The following PRKN variants were observed in gnomAD, a reference collection of about 807,000 sequenced individuals.
The protein encoded by PRKN is E3 ubiquitin-protein ligase parkin.
Under a neutral mutation model 59.5 loss-of-function variants are expected in PRKN, and 56 were observed. The observed-to-expected ratio is 0.94, with a 90% CI of 0.76 to 1.18. PRKN has a LOEUF of 1.18. PRKN is among the 50% of genes most tolerant of loss of function. The pLI, the probability that PRKN is intolerant of heterozygous loss-of-function variation, is 0.00. For missense variants in PRKN, 657 were observed against 596.4 expected (o/e 1.10, Z -1.06); for synonymous variants, 250 against 222.1 (o/e 1.13, Z -1.12).
chr6:162,569,470 G>A (rs748894409), intron 1 of PRKN: 36 of 689,326 alleles, frequency 5.2e-5, no homozygotes, highest in Admixed American at 7.1e-5. Flanking sequence ...TGGAGAGTGA[G>A]GAGAGCCACC....
intron 1 of PRKN, among the ~76,000 whole-genome samples, chr6:162,473,698 G>C (rs1791869196): frequency 6.6e-6 from 1 of 152,044 alleles, no homozygotes; most frequent in South Asian, 2.1e-4. Context: ...TGTATGTTTT[G>C]TAATTACAGC....
intron 2 of PRKN, among the ~76,000 whole-genome samples, chr6:162,264,957 A>G (rs760865859): frequency 6.6e-6 from 1 of 151,964 alleles, no homozygotes; most frequent in Non-Finnish European, 1.5e-5. Flanking sequence ...TTACATCTCA[A>G]TAGTCACCTC....
intron 7 of PRKN, among the ~76,000 whole-genome samples, chr6:161,623,113 A>G (rs1051985060): frequency 2.0e-5 from 3 of 152,206 alleles, no homozygotes; most frequent in Non-Finnish European, 4.4e-5. Flanking sequence ...AAAATTGTAA[A>G]AATACAATCA....
intron 1 of PRKN, among the ~76,000 whole-genome samples, chr6:162,591,049 GA>G (rs1478115374): frequency 6.6e-6 from 1 of 152,022 alleles, no homozygotes; most frequent in East Asian, 1.9e-4. Context: ...CCAGATTCCT[GA>G]ATGGCGCACT....
chr6:161,735,453 C>T (rs1262935357), intron 7 of PRKN, among the ~76,000 whole-genome samples: 2 of 152,284 alleles, frequency 1.3e-5, no homozygotes, highest in Admixed American at 6.5e-5. Context: ...ATAGCATCCA[C>T]AATAGGTGTT....
chr6:162,010,260 A>G (rs1425384968), intron 5 of PRKN, among the ~76,000 whole-genome samples: 3 of 129,654 alleles, frequency 2.3e-5, no homozygotes, highest in South Asian at 2.3e-4. Flanking sequence ...CATAATATAT[A>G]TTTTATATAT....
intron 7 of PRKN, among the ~76,000 whole-genome samples, chr6:161,783,285 A>T (rs995661076): frequency 3.9e-5 from 6 of 152,206 alleles, no homozygotes; most frequent in Admixed American, 2.6e-4. Context: ...TTAAAAAAAA[A>T]AAAGTCTCCT....
intron 6 of PRKN, among the ~76,000 whole-genome samples, chr6:161,787,218 A>C (rs896044277): frequency 6.6e-6 from 1 of 152,244 alleles, no homozygotes; most frequent in African/African-American, 2.4e-5. Flanking sequence ...AAAGATTTTC[A>C]AAATTCTGTT....
chr6:162,158,300 C>T (rs1242132691), intron 4 of PRKN, among the ~76,000 whole-genome samples: 1 of 151,998 alleles, frequency 6.6e-6, no homozygotes, highest in East Asian at 1.9e-4. Flanking sequence ...CTCTGTCTCC[C>T]AGAACAGTGC....
intron 6 of PRKN, among the ~76,000 whole-genome samples, chr6:161,925,268 G>A (rs1778926108): frequency 6.6e-6 from 1 of 152,094 alleles, no homozygotes; most frequent in Non-Finnish European, 1.5e-5. Flanking sequence ...TTATAGAAAT[G>A]TTGTTTAAAA....
chr6:162,426,002 A>G (rs959359499), intron 2 of PRKN, among the ~76,000 whole-genome samples: 6 of 152,228 alleles, frequency 3.9e-5, no homozygotes, highest in African/African-American at 1.2e-4. Context: ...AAATACTGCA[A>G]GTAGACTCAT....
At chr6:162,380,442 T>C (rs567909144) in intron 2 of PRKN, among the ~76,000 whole-genome samples, 176 of 90,232 alleles carry the variant, frequency 2.0e-3, no homozygotes, top group African/African-American at 8.6e-3. Flanking sequence ...TGTATATATA[T>C]ATATGTATAT....
intron 5 of PRKN, among the ~76,000 whole-genome samples, chr6:162,047,266 C>T (rs1416401882): frequency 6.6e-6 from 1 of 152,142 alleles, no homozygotes; most frequent in East Asian, 1.9e-4. Context: ...TTTTCATTTT[C>T]CACTCTCTAC....
chr6:162,686,329 T>G (rs958662004), intron 1 of PRKN, among the ~76,000 whole-genome samples: 5 of 152,166 alleles, frequency 3.3e-5, no homozygotes, highest in African/African-American at 1.2e-4. Flanking sequence ...ACTGGACATT[T>G]AATAAATGAT....
At chr6:162,532,276 A>T (rs1214831505) in intron 1 of PRKN, among the ~76,000 whole-genome samples, 1 of 127,772 alleles carries the variant, frequency 7.8e-6, no homozygotes, top group Non-Finnish European at 1.9e-5. Context: ...ATTAGTGAAA[A>T]TATGCACTTA....
intron 1 of PRKN, among the ~76,000 whole-genome samples, chr6:162,472,193 A>G (rs879397606): frequency 4.1e-5 from 6 of 145,092 alleles, no homozygotes; most frequent in Admixed American, 2.8e-4. Context: ...ATAGAGGAAG[A>G]CATTCCAAAC....
At chr6:162,394,986 T>C (rs969220329) in intron 2 of PRKN, among the ~76,000 whole-genome samples, 1 of 152,190 alleles carries the variant, frequency 6.6e-6, no homozygotes, top group African/African-American at 2.4e-5. Flanking sequence ...TGCCTTAATA[T>C]CTATTTGCAG....
intron 7 of PRKN, among the ~76,000 whole-genome samples, chr6:161,591,023 T>G (rs1781702262): frequency 1.3e-5 from 2 of 152,192 alleles, no homozygotes; most frequent in South Asian, 4.1e-4. Flanking sequence ...ATTTCCTGAC[T>G]TCGATCATTA....
intron 3 of PRKN, among the ~76,000 whole-genome samples, chr6:162,239,486 CA>C (rs1778895434): frequency 6.6e-6 from 1 of 151,980 alleles, no homozygotes. Flanking sequence ...GGTTAAGCGG[CA>C]AGCCCAGAGT....
Sources: allele counts gnomAD v4.1 joint callset (sites outside exome capture counted in the v4.1 genomes callset), GRCh38; gene constraint gnomAD v4.1.1; transcripts MANE v1.5; gene names NCBI Gene and HGNC (gene_info 2026-07-23, HGNC 2026-07-21).